The following ANTXR2 variants were observed in gnomAD, a reference collection of about 807,000 sequenced individuals.
ANTXR2 encodes the protein anthrax toxin receptor 2.
Under a neutral mutation model 73.7 loss-of-function variants are expected in ANTXR2, and 44 were observed. That is an observed-to-expected ratio of 0.60 (90% CI 0.47 to 0.77). The LOEUF (loss-of-function observed/expected upper bound fraction) is 0.77. ANTXR2 is among the 30% of genes least tolerant of loss of function. The pLI is 0.00. For synonymous variants in ANTXR2, 217 were observed against 205.9 expected, an observed-to-expected ratio of 1.05 and a Z score of -0.46; for missense variants, 604 against 592.5, an observed-to-expected ratio of 1.02 and a Z score of -0.20.
At chr4:80,034,881 T>C (rs1732884035) in intron 8 of ANTXR2, among the ~76,000 whole-genome samples, 1 of 152,108 alleles carries the variant, frequency 6.6e-6, no homozygotes, top group African/African-American at 2.4e-5. Context: ...ATGAAAGGAA[T>C]TTCACTTGCA....
chr4:80,033,397 G>A (rs1732789436), intron 9 of ANTXR2, 75 bp downstream of exon 9: 1 of 1,143,516 alleles, frequency 8.7e-7, no homozygotes, highest in Non-Finnish European at 1.2e-6. Context: ...GTTTTCGTTG[G>A]AGAAAAAAAG....
chr4:79,950,072 G>C (rs2109981199), intron 16 of ANTXR2, among the ~76,000 whole-genome samples: 1 of 151,922 alleles, frequency 6.6e-6, no homozygotes, highest in South Asian at 2.1e-4. Context: ...AAAAATTTCT[G>C]ACTCAATATT....
At chr4:79,998,785 C>T (rs1004351610) in intron 12 of ANTXR2, among the ~76,000 whole-genome samples, 1 of 151,930 alleles carries the variant, frequency 6.6e-6, no homozygotes, top group Non-Finnish European at 1.5e-5. Flanking sequence ...TAAGACATAA[C>T]CTCACAAAAA....
intron 16 of ANTXR2, among the ~76,000 whole-genome samples, chr4:79,927,031 A>G (rs1357603841): frequency 1.6e-5 from 2 of 128,222 alleles, no homozygotes; most frequent in East Asian, 2.4e-4. Flanking sequence ...ATGTGTATAT[A>G]TGTGTGTATA....
rs921454815 is a variant in ANTXR2, at chr4:80,033,585, A to C, written c.698-15T>G. ...CTGAAATTCCTCTAGAAGTAAAAGG[A>C]AAAATAAACATTTAATCACTGCTTT... On this transcript the variant is annotated splice_polypyrimidine_tract_variant and intron_variant, in intron 8 of 16. Coordinates refer to ENST00000403729, the MANE Select transcript of ANTXR2 (RefSeq NM_058172.6). 1.3e-6 allele frequency: 2 copies of C among 1,545,410 alleles called. No homozygotes were observed. Among genetic ancestry groups the C allele is most frequent in the Non-Finnish European group, 1.7e-6 (2 of 1,146,188 alleles).
At chr4:79,937,447 CT>C (rs1161775304) in intron 16 of ANTXR2, among the ~76,000 whole-genome samples, 3 of 152,250 alleles carry the variant, frequency 2.0e-5, no homozygotes, top group Admixed American at 1.3e-4. Context: ...TCACAGAAAG[CT>C]TTTTATCTGC....
At chr4:80,072,333 A>G in intron 1 of ANTXR2, 76 bp downstream of exon 1, 1 of 1,434,420 alleles carries the variant, frequency 7.0e-7, no homozygotes, top group African/African-American at 1.5e-5. Context: ...GGGTGCGCAC[A>G]CGCATCTCAG....
intron 16 of ANTXR2, among the ~76,000 whole-genome samples, chr4:79,937,998 G>A (rs1394411163): frequency 2.0e-5 from 2 of 97,772 alleles, no homozygotes; most frequent in Non-Finnish European, 4.2e-5. Flanking sequence ...ACTCCCACCC[G>A]AATATTGCGC....
chr4:80,072,731 G>A lies in ANTXR2; in HGVS notation c.-171C>T. The A allele has an allele frequency of 1.5e-6, 2 of 1,345,172 alleles. No homozygotes were observed. The highest frequency in any genetic ancestry group is 1.9e-6 in the Non-Finnish European group (2 of 1,053,640). The allele number at this position is 1,345,172 out of a possible 1,614,324, so 83.3% of individuals were successfully genotyped here. Reference sequence around the variant, plus strand: ...CACCAGCTGACAGGGAGGGAGAGAGGGAGGTCCTGAGAGGACAAAGGGAGT... The same window carrying A: ...CACCAGCTGACAGGGAGGGAGAGAGAGAGGTCCTGAGAGGACAAAGGGAGT... On this transcript the variant is annotated 5_prime_UTR_variant, in exon 1 of 17. Transcript: ENST00000403729.
intron 16 of ANTXR2, among the ~76,000 whole-genome samples, chr4:79,925,288 T>C (rs775513923): frequency 4.3e-3 from 54 of 12,482 alleles, no homozygotes; most frequent in Non-Finnish European, 7.9e-3. Context: ...CACTCTTTCC[T>C]TTTTTTTTTT....
intron 16 of ANTXR2, among the ~76,000 whole-genome samples, chr4:79,920,003 T>C (rs1348151254): frequency 6.7e-6 from 1 of 150,194 alleles, no homozygotes; most frequent in African/African-American, 2.4e-5. Flanking sequence ...GATGTAAATA[T>C]AAATTCAAAA....
intron 16 of ANTXR2, among the ~76,000 whole-genome samples, chr4:79,975,920 T>TTC (rs1729607389): frequency 6.6e-6 from 1 of 150,802 alleles, no homozygotes; most frequent in African/African-American, 2.4e-5. Context: ...TACACTTTTT[T>TTC]TTTTTTTTTT....
chr4:80,002,257 A>G (rs1731083688), intron 12 of ANTXR2, among the ~76,000 whole-genome samples: 1 of 152,286 alleles, frequency 6.6e-6, no homozygotes, highest in African/African-American at 2.4e-5. Context: ...ATAATGCCGC[A>G]TATCTACAAC....
intron 16 of ANTXR2, among the ~76,000 whole-genome samples, chr4:79,944,665 G>A (rs1370848860): frequency 6.6e-6 from 1 of 152,056 alleles, no homozygotes; most frequent in Non-Finnish European, 1.5e-5. Flanking sequence ...AGCCCATATG[G>A]TTGGTACACA....
Position 80,065,720 on chromosome 4 carries a change from A to G in ANTXR2, c.296+3716T>C, listed in dbSNP as rs1210063949. Reference sequence around the variant, plus strand: ...CACAGCCCTACGGTAAGTATTTACTACCTTCTAATCTTGCCTCATCTCTAC... The same window carrying G: ...CACAGCCCTACGGTAAGTATTTACTGCCTTCTAATCTTGCCTCATCTCTAC... On this transcript the variant is annotated intron_variant, in intron 3 of 16. Transcript: ENST00000403729. Among the ~76,000 whole-genome samples, 3 of 152,320 alleles carry G rather than the reference A, an allele frequency of 2.0e-5. No individual in the cohort carries two copies. In the East Asian group the frequency reaches 5.8e-4, roughly 29 times the overall value.
chr4:80,022,611 G>C (rs1432469677), intron 10 of ANTXR2, among the ~76,000 whole-genome samples: 2 of 152,238 alleles, frequency 1.3e-5, no homozygotes, highest in East Asian at 3.9e-4. Flanking sequence ...TCTATGGATT[G>C]TTATTCCTAC....
chr4:80,033,622 A>T (rs969280776), intron 8 of ANTXR2, 52 bp from the exon 9 acceptor site: 4 of 1,347,750 alleles, frequency 3.0e-6, no homozygotes, highest in African/African-American at 3.0e-5. Context: ...CCAAAAAAAT[A>T]AAAAACACAA....
chr4:79,979,867 CAATT>C (rs1560932945), intron 14 of ANTXR2, among the ~76,000 whole-genome samples: 2 of 151,872 alleles, frequency 1.3e-5, no homozygotes, highest in Non-Finnish European at 2.9e-5. Flanking sequence ...AAAAGATACA[CAATT>C]AAGTAAAGAC....
intron 16 of ANTXR2, among the ~76,000 whole-genome samples, chr4:79,960,243 TA>T (rs1198961445): frequency 2.6e-5 from 4 of 152,124 alleles, no homozygotes; most frequent in South Asian, 2.1e-4. Context: ...GTGCTTGATT[TA>T]AAAAAATTAG....
Sources: allele counts gnomAD v4.1 joint callset (sites outside exome capture counted in the v4.1 genomes callset), GRCh38; gene constraint gnomAD v4.1.1; transcripts MANE v1.5; gene names NCBI Gene and HGNC (gene_info 2026-07-23, HGNC 2026-07-21).